Variants in PIAS3 observed in about 807,000 individuals in gnomAD.
PIAS3 encodes the protein protein inhibitor of activated STAT 3, also known as E3 SUMO-protein ligase PIAS3.
Under a neutral mutation model 67.6 loss-of-function variants are expected in PIAS3, and 34 were observed. The observed-to-expected ratio is 0.50, with a 90% CI of 0.38 to 0.67. PIAS3 has a LOEUF of 0.67. Among genes scored for constraint, PIAS3 ranks in the 30% least tolerant of loss-of-function variants. PIAS3 has a pLI of 0.00. For missense variants in PIAS3, 693 were observed against 791.6 expected, an observed-to-expected ratio of 0.88 and a Z score of 1.49; for synonymous variants, 341 against 313.8, an observed-to-expected ratio of 1.09 and a Z score of -0.92.
rs1653145794 is a variant in PIAS3 at position 145,855,745 on chromosome 1, GCA to G, written c.658_659del (p.Cys220ProfsTer45). On this transcript the variant is annotated frameshift_variant, in exon 5 of 14. Coordinates refer to ENST00000393045, the MANE Select transcript of PIAS3 (RefSeq NM_006099.3). LOFTEE classifies it high-confidence loss of function. ...NLFVKVNGKL[C>X]PLPGYLPPTK... is the part of the protein sequence containing the mutation. Reference sequence around the variant, plus strand: ...AGGGGAGAGCATTTACCGGCAGGGGGCACAGTTTCCCATTGACCTTGACAAAG... The same window carrying G: ...AGGGGAGAGCATTTACCGGCAGGGGGCAGTTTCCCATTGACCTTGACAAAG... The G allele has an allele frequency of 6.3e-7, 1 of 1,576,762 alleles. No individual in the cohort carries two copies. The highest frequency in any genetic ancestry group is 8.7e-7 in the Non-Finnish European group (1 of 1,148,952).
At chr1:145,854,323 A>AG in intron 7 of PIAS3, 135 bp downstream of exon 7, 1 of 660,274 alleles carries the variant, frequency 1.5e-6, no homozygotes, top group Middle Eastern at 3.2e-4. Flanking sequence ...TCAGGGGTAG[A>AG]GGGGGAGGGT....
At chr1:145,851,864 A>C (rs1553734470) in intron 9 of PIAS3, among the ~76,000 whole-genome samples, 1 of 151,724 alleles carries the variant, frequency 6.6e-6, no homozygotes, top group Non-Finnish European at 1.5e-5. Flanking sequence ...GAGGCAGGAG[A>C]ATTGCTTGAA....
chr1:145,854,748 G>T lies in PIAS3; in HGVS notation c.802C>A (p.Arg268=), dbSNP rs781969488. 1.2e-6 allele frequency: 2 copies of T among 1,614,062 alleles called. No individual in the cohort carries two copies. The highest frequency in any genetic ancestry group is 1.7e-5 in the Admixed American group (1 of 59,996). The change falls in exon 6 of 14, where the codon CGG becomes AGG. Residue 268 remains arginine (R), a splice_region_variant and synonymous_variant. Transcript: ENST00000393045. The part of the protein sequence containing the change: ...IVVNWSSEFG[R]NYSLSVYLVR... ...GCACCTGCTTTAGCTGTGCTCACCC[G>T]TCCGAACTCAGATGACCAATTGACC...
intron 11 of PIAS3, 71 bp downstream of exon 11, chr1:145,850,700 C>G (rs2101677969): frequency 6.3e-7 from 1 of 1,598,624 alleles, no homozygotes; most frequent in South Asian, 1.1e-5. Flanking sequence ...AGGCTTTGTC[C>G]AATGATCAGA....
rs1652928812 is a variant in PIAS3, at chr1:145,850,864, A to G, written c.1355T>C (p.Ile452Thr). ...KKKVEVIDLTIESSSDEEDLP... is the reference protein window; with the variant it reads ...KKKVEVIDLTTESSSDEEDLP... ...ATCCTCCTCATCTGATGAGCTTTCT[A>G]TTGTCAAGTCAATAACTTCGACCTT... Residue 452 changes from isoleucine to threonine, a missense_variant, in exon 11 of 14, where the codon ATA (isoleucine) becomes ACA (threonine). By Grantham distance (89) the Ile-to-Thr change is moderately conservative (BLOSUM62 -1). Around this residue, in one of 3 missense-constraint regions of PIAS3, gnomAD observed 270 missense variants for 261.0 expected, o/e 1.03. Coordinates refer to ENST00000393045, the MANE Select transcript of PIAS3 (RefSeq NM_006099.3). The G allele has an allele frequency of 3.1e-6, 5 of 1,614,010 alleles. No individual in the cohort carries two copies. In the Admixed American group the frequency reaches 5.0e-5, roughly 16 times the overall value.
Position 145,854,579 on chromosome 1 carries a change from G to A in PIAS3, c.805-16C>T. 1 of 1,598,556 alleles carries A rather than the reference G, an allele frequency of 6.3e-7. No individual in the cohort carries two copies. The highest frequency in any genetic ancestry group is 8.6e-7 in the Non-Finnish European group (1 of 1,165,802). On this transcript the variant is annotated splice_polypyrimidine_tract_variant and intron_variant, in intron 6 of 13. Coordinates refer to ENST00000393045, the MANE Select transcript of PIAS3 (RefSeq NM_006099.3). ...AGGAGTAATTCTACTTGGAGGCAGG[G>A]GGTAGACAATTAGCCTCTGCTTCTC... is the stretch of plus-strand genomic sequence containing the variant.
rs1653099531 is a variant in PIAS3 at position 145,854,847 on chromosome 1, G to A, written c.703C>T (p.Pro235Ser). 6.2e-7 allele frequency: 1 copy of A among 1,614,078 alleles called. No homozygotes were observed. Among genetic ancestry groups the A allele is most frequent in the African/African-American group, 1.3e-5 (1 of 74,934 alleles). Residue 235 changes from proline (P) to serine (S), a missense_variant, in exon 6 of 14, where the codon CCC (proline) becomes TCC (serine). Pro to Ser is a moderately conservative substitution (Grantham distance 74). Around this residue, in one of 3 missense-constraint regions of PIAS3, gnomAD observed 308 missense variants for 348.8 expected, o/e 0.88. Coordinates refer to ENST00000393045, the MANE Select transcript of PIAS3 (RefSeq NM_006099.3). ...TTGATGGGGCGGCTGGGCCTCTTGGGCTCGGCCCCATTCTTGGTTGGGGGA... is the reference window on the plus strand; with the variant it reads ...TTGATGGGGCGGCTGGGCCTCTTGGACTCGGCCCCATTCTTGGTTGGGGGA... The part of the protein sequence containing the change: ...YLPPTKNGAE[P>S]KRPSRPINIT...
At chr1:145,850,667 C>T (rs1553734070) in intron 11 of PIAS3, 81 bp from the exon 12 acceptor site, 1 of 1,596,510 alleles carries the variant, frequency 6.3e-7, no homozygotes, top group South Asian at 1.1e-5. Flanking sequence ...CCCTCTCTGT[C>T]CCCTCCACAT....
chr1:145,849,328 G>A lies in PIAS3; in HGVS notation c.*118C>T. 9.4e-7 allele frequency: 1 copy of A among 1,067,932 alleles called. No individual in the cohort carries two copies. The highest frequency in any genetic ancestry group is 1.3e-6 in the Non-Finnish European group (1 of 797,722). The allele number at this position is 1,067,932 out of a possible 1,614,324, so 66.2% of individuals were successfully genotyped here. ...GATGAGGCCAAAAGTAGGCATCTGT[G>A]AAGGTCTGTCTGGCCCTTGGCCAGA... On this transcript the variant is annotated 3_prime_UTR_variant, in exon 14 of 14. Transcript: ENST00000393045.
At chr1:145,854,166 GGA>G in intron 7 of PIAS3, 1 of 594,420 alleles carries the variant, frequency 1.7e-6, no homozygotes, top group South Asian at 2.1e-5. Context: ...TTAGATTAGA[GGA>G]CCCCTAAGAT....
rs376113017 is a variant in PIAS3, at chr1:145,854,724, C to A, written c.804+22G>T. On this transcript the variant is annotated intron_variant, in intron 6 of 13. Transcript: ENST00000393045. ...TTCACCCTCAGCAGGCTTTTCCAGG[C>A]ACCTGCTTTAGCTGTGCTCACCCGT... 10 of 1,614,006 alleles carry A rather than the reference C, an allele frequency of 6.2e-6. No homozygotes were observed. The African/African-American group carries it at 8.0e-5, about 13-fold the overall frequency.
At position 145,858,959 on chromosome 1, in the gene PIAS3, G is replaced by A; in HGVS notation, c.24+8C>T. 2.0e-6 allele frequency: 3 copies of A among 1,533,208 alleles called. No individual in the cohort carries two copies. Among genetic ancestry groups the A allele is most frequent in the Non-Finnish European group, 2.6e-6 (3 of 1,141,078 alleles). 95.0% of individuals were successfully genotyped at this position (1,533,208 alleles called of 1,614,324 possible). A position where few individuals can be genotyped will look rare whatever the true frequency, so the allele number is the denominator to read the frequency against. ...GTCCAGATGGGGATGGGGGGAGGGG[G>A]CCGGTACCTTTAATTCGCCCAGCTC... On this transcript the variant is annotated splice_region_variant and intron_variant, in intron 1 of 13. Coordinates refer to ENST00000393045, the MANE Select transcript of PIAS3 (RefSeq NM_006099.3).
Position 145,848,581 on chromosome 1 carries a change from A to C in PIAS3, c.*865T>G. On this transcript the variant is annotated 3_prime_UTR_variant, in exon 14 of 14. Transcript: ENST00000393045. Reference sequence around the variant, plus strand: ...CACTACAACTTTAGAAATAAAAAGTAAAATTACAACATAGGTCCTAGGCCT... The same window carrying C: ...CACTACAACTTTAGAAATAAAAAGTCAAATTACAACATAGGTCCTAGGCCT... 1.1e-6 allele frequency: 1 copy of C among 884,468 alleles called. No individual in the cohort carries two copies. The highest frequency in any genetic ancestry group is 1.8e-6 in the Non-Finnish European group (1 of 557,538). The allele number at this position is 884,468 out of a possible 1,614,324, so 54.8% of individuals were successfully genotyped here.
chr1:145,853,727 G>T, intron 8 of PIAS3, 63 bp from the exon 9 acceptor site: 13 of 1,605,718 alleles, frequency 8.1e-6, no homozygotes, highest in Non-Finnish European at 1.1e-5. Context: ...AAAACTTCAC[G>T]CCAGTATCCC....
intron 1 of PIAS3, 64 bp downstream of exon 1, chr1:145,858,903 G>T: frequency 7.0e-7 from 1 of 1,422,714 alleles, no homozygotes; most frequent in Non-Finnish European, 9.3e-7. Context: ...AGTCTCGGTC[G>T]CTTCCCGGAC....
rs781893261 is a variant in PIAS3 at position 145,849,720 on chromosome 1, G to T, written c.1621-8C>A. On this transcript the variant is annotated splice_polypyrimidine_tract_variant and splice_region_variant and intron_variant, in intron 13 of 13. Transcript: ENST00000393045. ...GACAGAGGGGCCATAGTGCTAGGAA[G>T]AATCAAGGGCATAGTTTAAGATCTC... 4 of 1,572,668 alleles carry T rather than the reference G, an allele frequency of 2.5e-6. No homozygotes were observed. The highest frequency in any genetic ancestry group is 1.4e-5 in the African/African-American group (1 of 73,202).
In PIAS3 at chr1:145,854,607, A is replaced by G. The variant is rs782058484; in HGVS notation, c.805-44T>C. ...TAGACAATTAGCCTCTGCTTCTCAT[A>G]CCACCACTGCCCACTTTTGTTCCAT... On this transcript the variant is annotated intron_variant, in intron 6 of 13. Transcript: ENST00000393045. The G allele has an allele frequency of 1.9e-6, 3 of 1,569,838 alleles. No individual in the cohort carries two copies. The East Asian group carries it at 6.7e-5, about 35-fold the overall frequency.
chr1:145,854,326 G>A, intron 7 of PIAS3, 132 bp downstream of exon 7: 1 of 668,288 alleles, frequency 1.5e-6, no homozygotes, highest in South Asian at 1.8e-5. Flanking sequence ...GGGGTAGAGG[G>A]GGAGGGTTGG....
rs782382566 is a variant in PIAS3 at position 145,858,991 on chromosome 1, C to T, written c.-1G>A. The T allele has an allele frequency of 1.9e-6, 3 of 1,545,338 alleles. No individual in the cohort carries two copies. Among genetic ancestry groups the T allele is most frequent in the Non-Finnish European group, 2.6e-6 (3 of 1,146,712 alleles). On this transcript the variant is annotated 5_prime_UTR_variant, in exon 1 of 14. Transcript: ENST00000393045. The stretch of plus-strand genomic sequence containing the variant: ...CCTTTAATTCGCCCAGCTCCGCCAT[C>T]TTGAGACATCGCAGGCGCCCCAGCC...
Sources: gnomAD v4.1 joint callset for allele counts (sites outside exome capture counted in the v4.1 genomes callset) on GRCh38, gnomAD v4.1.1 for gene constraint, gnomAD v4.1.1 regional missense constraint, MANE v1.5 for transcripts, NCBI Gene and HGNC (gene_info 2026-07-23, HGNC 2026-07-21) for gene names.